The following MEIKIN variants were observed in gnomAD, a reference collection of about 807,000 sequenced individuals.
MEIKIN encodes meiosis-specific kinetochore protein.
At chr5:131,904,490 G>T (rs920711861) in intron 8 of MEIKIN, among the ~76,000 whole-genome samples, 10 of 152,240 alleles carry the variant, frequency 6.6e-5, no homozygotes, top group African/African-American at 2.4e-4. Context: ...AATAAAAATA[G>T]AAATAACTGC....
chr5:131,837,974 T>G (rs945440621), intron 11 of MEIKIN, among the ~76,000 whole-genome samples: 1 of 152,170 alleles, frequency 6.6e-6, no homozygotes, highest in Non-Finnish European at 1.5e-5. Context: ...TTTTGCCTAT[T>G]CATTATGATG....
chr5:131,833,406 A>C (rs1247703721), intron 11 of MEIKIN, among the ~76,000 whole-genome samples: 1 of 152,164 alleles, frequency 6.6e-6, no homozygotes, highest in Non-Finnish European at 1.5e-5. Context: ...TGTCAAAGCC[A>C]CTCAACAAGT....
chr5:131,878,800 A>G (rs1375461755), intron 9 of MEIKIN, 178 bp downstream of exon 9: 4 of 366,512 alleles, frequency 1.1e-5, no homozygotes, highest in Non-Finnish European at 1.9e-5. Flanking sequence ...GCTTGAGCCC[A>G]GAAGTTCAAG....
At chr5:131,869,185 T>G (rs761915138) in intron 9 of MEIKIN, among the ~76,000 whole-genome samples, 2 of 152,216 alleles carry the variant, frequency 1.3e-5, no homozygotes, top group Non-Finnish European at 2.9e-5. Context: ...TAGGTTCATG[T>G]TTTTGCATTT....
At chr5:131,895,144 A>G (rs1303531415) in intron 8 of MEIKIN, among the ~76,000 whole-genome samples, 3 of 152,196 alleles carry the variant, frequency 2.0e-5, no homozygotes, top group Non-Finnish European at 2.9e-5. Flanking sequence ...TGTTGAGATA[A>G]TCATGTGGTT....
chr5:131,919,760 C>A (rs1257170013), intron 6 of MEIKIN, among the ~76,000 whole-genome samples: 1 of 152,162 alleles, frequency 6.6e-6, no homozygotes, highest in East Asian at 1.9e-4. Flanking sequence ...GACCAGTTAT[C>A]CATAGGGGTT....
At chr5:131,928,075 C>T (rs1161309414) in intron 5 of MEIKIN, among the ~76,000 whole-genome samples, 4 of 145,802 alleles carry the variant, frequency 2.7e-5, no homozygotes, top group Non-Finnish European at 5.9e-5. Context: ...ACCCGGGAGG[C>T]GGAGCTTGCA....
Position 131,933,147 on chromosome 5 carries a change from G to A in MEIKIN, c.478+366C>T, listed in dbSNP as rs149818665. Reference sequence around the variant, plus strand: ...TAATTTGTGGAGAAAATTCAAGCAGGGACTTGGCCTAGCTAACATTTAAGT... The same window carrying A: ...TAATTTGTGGAGAAAATTCAAGCAGAGACTTGGCCTAGCTAACATTTAAGT... On this transcript the variant is annotated intron_variant, in intron 5 of 12. Coordinates refer to ENST00000442687, the MANE Select transcript of MEIKIN (RefSeq NM_001303622.2). Among the ~76,000 whole-genome samples, 324 of 152,122 alleles carry A rather than the reference G, an allele frequency of 2.1e-3. 1 individual carries two copies. The highest frequency in any genetic ancestry group is 3.1e-3 in the Non-Finnish European group (208 of 68,020).
intron 12 of MEIKIN, among the ~76,000 whole-genome samples, chr5:131,808,918 A>G (rs2149599401): frequency 6.6e-6 from 1 of 152,250 alleles, no homozygotes; most frequent in Non-Finnish European, 1.5e-5. Context: ...TCTACAAAAT[A>G]CATAAAGATT....
At chr5:131,809,590 C>T (rs1561718639) in intron 12 of MEIKIN, among the ~76,000 whole-genome samples, 1 of 152,104 alleles carries the variant, frequency 6.6e-6, no homozygotes, top group Non-Finnish European at 1.5e-5. Flanking sequence ...AGGTGGATCA[C>T]GAGGTCAGGA....
intron 11 of MEIKIN, among the ~76,000 whole-genome samples, chr5:131,833,664 C>A (rs770913478): frequency 1.3e-5 from 2 of 151,756 alleles, no homozygotes; most frequent in Non-Finnish European, 2.9e-5. Flanking sequence ...CCCATCAGAT[C>A]TTCTGAGGCT....
intron 9 of MEIKIN, among the ~76,000 whole-genome samples, chr5:131,877,036 T>C (rs901678785): frequency 2.0e-5 from 3 of 149,754 alleles, no homozygotes; most frequent in African/African-American, 2.5e-5. Flanking sequence ...TTAGGAGATA[T>C]ACCTAATGCT....
intron 8 of MEIKIN, among the ~76,000 whole-genome samples, chr5:131,893,308 G>A (rs144657003): frequency 0.083 from 12,584 of 152,172 alleles, 1,115 homozygotes; most frequent in African/African-American, 0.23. Flanking sequence ...CCCTCCCCCA[G>A]CCTCGCTGTT....
At chr5:131,843,167 G>C (rs898173783) in intron 11 of MEIKIN, among the ~76,000 whole-genome samples, 1 of 152,252 alleles carries the variant, frequency 6.6e-6, no homozygotes, top group Non-Finnish European at 1.5e-5. Flanking sequence ...GAGCAGCAAG[G>C]CCCTGGGCCT....
At chr5:131,883,583 A>C (rs969510834) in intron 8 of MEIKIN, among the ~76,000 whole-genome samples, 2 of 152,230 alleles carry the variant, frequency 1.3e-5, no homozygotes, top group African/African-American at 4.8e-5. Flanking sequence ...GAATTAAGAA[A>C]TGTATAAGGA....
At chr5:131,893,584 C>T (rs982586105) in intron 8 of MEIKIN, among the ~76,000 whole-genome samples, 5 of 152,188 alleles carry the variant, frequency 3.3e-5, no homozygotes, top group Non-Finnish European at 7.4e-5. Context: ...GCATGGTGTG[C>T]TGCACCCACT....
chr5:131,853,100 T>A (rs565297377), intron 10 of MEIKIN, among the ~76,000 whole-genome samples: 1 of 152,326 alleles, frequency 6.6e-6, no homozygotes, highest in South Asian at 2.1e-4. Flanking sequence ...AGTGTAAGAA[T>A]GTCAACTGTG....
intron 4 of MEIKIN, among the ~76,000 whole-genome samples, chr5:131,940,610 C>T (rs1390863057): frequency 6.6e-6 from 1 of 152,048 alleles, no homozygotes; most frequent in Non-Finnish European, 1.5e-5. Flanking sequence ...CTCTGAGAAT[C>T]TGTTTATATG....
At chr5:131,842,243 G>T (rs1427580226) in intron 11 of MEIKIN, among the ~76,000 whole-genome samples, 1 of 152,190 alleles carries the variant, frequency 6.6e-6, no homozygotes, top group Non-Finnish European at 1.5e-5. Context: ...GGGATTACAG[G>T]TGTGAGCCAC....
Sources: gnomAD v4.1 joint callset for allele counts (sites outside exome capture counted in the v4.1 genomes callset) on GRCh38, gnomAD v4.1.1 for gene constraint, MANE v1.5 for transcripts, NCBI Gene and HGNC (gene_info 2026-07-23, HGNC 2026-07-21) for gene names.